DPYD: variants seen among roughly 807,000 people sequenced by gnomAD.
The protein encoded by DPYD is dihydropyrimidine dehydrogenase [NADP(+)].
In DPYD, 109 loss-of-function variants were observed where a neutral mutation model predicts 116.2. The ratio of observed to expected loss-of-function variants is 0.94; its 90% CI spans 0.80 to 1.10. The LOEUF (loss-of-function observed/expected upper bound fraction) is 1.10. DPYD is among the 50% of genes least tolerant of loss of function. DPYD has a pLI of 0.00. For missense variants in DPYD, 1,302 were observed against 1,254.5 expected (o/e 1.04, Z -0.57); for synonymous variants, 440 against 432.0 (o/e 1.02, Z -0.23).
intron 1 of DPYD, among the ~76,000 whole-genome samples, chr1:97,889,619 A>T (rs1242032408): frequency 6.6e-6 from 1 of 152,060 alleles, no homozygotes; most frequent in Non-Finnish European, 1.5e-5. Context: ...CAAAATACAA[A>T]CAAATTTGAA....
chr1:97,597,473 G>T (rs1220002002), intron 8 of DPYD, among the ~76,000 whole-genome samples: 1 of 152,184 alleles, frequency 6.6e-6, no homozygotes, highest in African/African-American at 2.4e-5. Flanking sequence ...TATTGTATAA[G>T]TTCCTGTGAA....
At chr1:97,854,647 A>G (rs1203561592) in intron 2 of DPYD, among the ~76,000 whole-genome samples, 1 of 152,230 alleles carries the variant, frequency 6.6e-6, no homozygotes, top group Non-Finnish European at 1.5e-5. Flanking sequence ...AAAAGTTTGA[A>G]AATTCTACTG....
intron 20 of DPYD, among the ~76,000 whole-genome samples, chr1:97,133,424 C>CT (rs1289352757): frequency 6.6e-6 from 1 of 151,920 alleles, no homozygotes; most frequent in Non-Finnish European, 1.5e-5. Context: ...TTGTTAGTGT[C>CT]TTTTTCCTTT....
chr1:97,579,658 A>T (rs1653503838), intron 10 of DPYD, among the ~76,000 whole-genome samples: 2 of 152,148 alleles, frequency 1.3e-5, no homozygotes, highest in Admixed American at 1.3e-4. Context: ...ATAATCAGTA[A>T]CTCTGAATCT....
At chr1:97,297,844 C>T (rs929489715) in intron 18 of DPYD, among the ~76,000 whole-genome samples, 2 of 152,170 alleles carry the variant, frequency 1.3e-5, no homozygotes, top group African/African-American at 4.8e-5. Context: ...GTAATTTTAT[C>T]CTTGCCTAAC....
chr1:97,296,355 G>A (rs1299068986), intron 18 of DPYD, among the ~76,000 whole-genome samples: 2 of 151,898 alleles, frequency 1.3e-5, no homozygotes, highest in South Asian at 2.1e-4. Context: ...CAAATATTTA[G>A]GTAAAATGAC....
chr1:97,409,597 C>A (rs1269720431), intron 14 of DPYD, among the ~76,000 whole-genome samples: 1 of 152,192 alleles, frequency 6.6e-6, no homozygotes, highest in Non-Finnish European at 1.5e-5. Flanking sequence ...TCTTTTCCAA[C>A]TATGTCTATC....
At chr1:97,393,052 T>C (rs948109434) in intron 14 of DPYD, among the ~76,000 whole-genome samples, 1 of 152,066 alleles carries the variant, frequency 6.6e-6, no homozygotes, top group Non-Finnish European at 1.5e-5. Context: ...TTCTTTCTTA[T>C]CATTTGTGTG....
chr1:97,327,444 A>G (rs977026409), intron 16 of DPYD, among the ~76,000 whole-genome samples: 4 of 152,064 alleles, frequency 2.6e-5, no homozygotes, highest in African/African-American at 9.7e-5. Flanking sequence ...CTGATTATAA[A>G]AAAAGTTCTT....
intron 20 of DPYD, among the ~76,000 whole-genome samples, chr1:97,140,286 C>G (rs1354116984): frequency 1.3e-5 from 2 of 152,000 alleles, no homozygotes. Context: ...ATGACAGAGA[C>G]AGGAGTTTTT....
intron 4 of DPYD, among the ~76,000 whole-genome samples, chr1:97,738,356 T>C (rs1475343905): frequency 6.6e-6 from 1 of 152,138 alleles, no homozygotes; most frequent in Non-Finnish European, 1.5e-5. Flanking sequence ...GAATTGAGTG[T>C]ACCTTTCAAA....
At chr1:97,791,448 G>A (rs1244318010) in intron 3 of DPYD, among the ~76,000 whole-genome samples, 2 of 152,108 alleles carry the variant, frequency 1.3e-5, no homozygotes, top group Admixed American at 6.5e-5. Flanking sequence ...TTAGAGTATT[G>A]GAACAAGTTT....
chr1:97,622,017 T>C (rs934095646), intron 8 of DPYD, among the ~76,000 whole-genome samples: 1 of 151,988 alleles, frequency 6.6e-6, no homozygotes, highest in Non-Finnish European at 1.5e-5. Context: ...AATGACTGAA[T>C]AAATAAATGG....
chr1:97,113,783 T>G (rs530335413), intron 20 of DPYD, among the ~76,000 whole-genome samples: 2 of 152,078 alleles, frequency 1.3e-5, no homozygotes, highest in South Asian at 4.1e-4. Flanking sequence ...AACAAGAAAA[T>G]ATAAGGAAAA....
rs182516859 is a variant in DPYD, at chr1:97,089,912, G to T, written c.2767-7442C>A. On this transcript the variant is annotated intron_variant, in intron 21 of 22. Transcript: ENST00000370192. ...CTAGCAAAGATTTCTGGTTCTCAAG[G>T]ACTCTCTAGTCCCTGGATAACACTG... Among the ~76,000 whole-genome samples, 5 of 151,022 alleles carry T rather than the reference G, an allele frequency of 3.3e-5. No individual in the cohort carries two copies. The East Asian group carries it at 9.8e-4, about 30-fold the overall frequency.
At chr1:97,494,872 G>A (rs539359862) in intron 13 of DPYD, among the ~76,000 whole-genome samples, 11 of 152,218 alleles carry the variant, frequency 7.2e-5, no homozygotes, top group African/African-American at 2.4e-4. Context: ...ATTCTCAAAA[G>A]TCAAAATACT....
intron 11 of DPYD, among the ~76,000 whole-genome samples, chr1:97,565,782 G>A (rs1652476287): frequency 6.6e-6 from 1 of 152,042 alleles, no homozygotes; most frequent in African/African-American, 2.4e-5. Flanking sequence ...AGTAGTGCCT[G>A]GAACACAGTT....
chr1:97,083,394 T>A (rs1238657469), intron 21 of DPYD, among the ~76,000 whole-genome samples: 1 of 152,122 alleles, frequency 6.6e-6, no homozygotes, highest in Non-Finnish European at 1.5e-5. Flanking sequence ...CATTTTCTGC[T>A]ATTTTTATAA....
At chr1:97,718,351 G>C (rs1036728964) in intron 5 of DPYD, among the ~76,000 whole-genome samples, 2 of 151,482 alleles carry the variant, frequency 1.3e-5, no homozygotes, top group Non-Finnish European at 2.9e-5. Context: ...GTTTCTTGTA[G>C]ATTCTGGGTA....
Sources: allele counts gnomAD v4.1 joint callset (sites outside exome capture counted in the v4.1 genomes callset), GRCh38; gene constraint gnomAD v4.1.1; transcripts MANE v1.5; gene names NCBI Gene and HGNC (gene_info 2026-07-23, HGNC 2026-07-21).